The following CKAP5 variants were observed in gnomAD, a reference collection of about 807,000 sequenced individuals.
CKAP5 encodes the protein cytoskeleton associated protein 5, also known as cytoskeleton-associated protein 5.
In CKAP5, 27 loss-of-function variants were observed where a neutral mutation model predicts 232.8. That is an observed-to-expected ratio of 0.12 (90% confidence interval 0.09 to 0.16). CKAP5 has a LOEUF of 0.16. Among genes scored for constraint, CKAP5 ranks in the 10% least tolerant of loss-of-function variants. The pLI is 1.00. For synonymous variants in CKAP5, 785 were observed against 841.1 expected, an observed-to-expected ratio of 0.93 and a Z score of 1.16; for missense variants, 1,838 against 2,424.7, an observed-to-expected ratio of 0.76 and a Z score of 5.08.
At chr11:46,798,259 A>T (rs888641786) in intron 9 of CKAP5, 87 bp from the exon 10 acceptor site, 9 of 962,584 alleles carry the variant, frequency 9.3e-6, no homozygotes, top group Non-Finnish European at 1.5e-5. Context: ...AACCTTAAAA[A>T]TAGTATGCTA....
chr11:46,791,966 T>C (rs563561583), intron 13 of CKAP5, among the ~76,000 whole-genome samples: 1 of 152,356 alleles, frequency 6.6e-6, no homozygotes, highest in Non-Finnish European at 1.5e-5. Flanking sequence ...ATTCCAATAT[T>C]GTAAGTTGTA....
chr11:46,832,613 T>C (rs1939817377), intron 1 of CKAP5, among the ~76,000 whole-genome samples: 1 of 152,264 alleles, frequency 6.6e-6, no homozygotes, highest in Admixed American at 6.5e-5. Flanking sequence ...ACACGTATTA[T>C]GTGCCAGGCA....
intron 2 of CKAP5, among the ~76,000 whole-genome samples, chr11:46,819,913 T>C (rs1939488803): frequency 6.6e-6 from 1 of 152,112 alleles, no homozygotes; most frequent in African/African-American, 2.4e-5. Context: ...CAACATCTCA[T>C]TCTATAAAGT....
In CKAP5 at chr11:46,783,276, A is replaced by T. The variant is rs759948691; in HGVS notation, c.2247T>A (p.Ser749=). 6.3e-7 allele frequency: 1 copy of T among 1,599,098 alleles called. No individual in the cohort carries two copies. Among genetic ancestry groups the T allele is most frequent in the Non-Finnish European group, 8.6e-7 (1 of 1,168,056 alleles). ...CACTTGATTTCGTTCTGACTTACCC[A>T]GAAAAACCAAATTCTTTTATGGCAT... ...LSNAIKEFGF[S]GLNVKAFISN... is the part of the protein sequence containing the mutation. Residue 749 remains serine, a splice_region_variant and synonymous_variant, in exon 18 of 44, where the codon TCT becomes TCA. Coordinates refer to ENST00000529230, the MANE Select transcript of CKAP5 (RefSeq NM_001008938.4).
At chr11:46,810,974 G>C (rs1373053477) in intron 5 of CKAP5, 33 bp downstream of exon 5, 2 of 1,541,460 alleles carry the variant, frequency 1.3e-6, no homozygotes, top group Non-Finnish European at 1.8e-6. Flanking sequence ...TATTAACCTT[G>C]TGCGAAAGCA....
intron 27 of CKAP5, among the ~76,000 whole-genome samples, chr11:46,766,280 T>C (rs921826050): frequency 6.6e-6 from 1 of 152,092 alleles, no homozygotes; most frequent in Non-Finnish European, 1.5e-5. Flanking sequence ...TTTAAAAAGA[T>C]TGGGAAAAAA....
chr11:46,752,032 C>T (rs1213998309), intron 38 of CKAP5, among the ~76,000 whole-genome samples: 3 of 151,372 alleles, frequency 2.0e-5, no homozygotes, highest in African/African-American at 7.3e-5. Context: ...AACTTCTTTC[C>T]TTTTGATCCT....
intron 42 of CKAP5, among the ~76,000 whole-genome samples, chr11:46,745,696 G>C (rs1235442011): frequency 6.6e-6 from 1 of 152,150 alleles, no homozygotes; most frequent in South Asian, 2.1e-4. Flanking sequence ...GCTCATGCCT[G>C]TAATCCAAGC....
chr11:46,801,399 G>A, intron 8 of CKAP5, 95 bp from the exon 9 acceptor site: 1 of 908,018 alleles, frequency 1.1e-6, no homozygotes, highest in Non-Finnish European at 1.7e-6. Flanking sequence ...GCCGGGTGCA[G>A]CGGCTCACAC....
At chr11:46,808,397 C>T (rs1477211067) in intron 7 of CKAP5, among the ~76,000 whole-genome samples, 1 of 151,992 alleles carries the variant, frequency 6.6e-6, no homozygotes, top group African/African-American at 2.4e-5. Flanking sequence ...AAAAATTAGC[C>T]GGGCGTGGTG....
In CKAP5 at chr11:46,798,002, T is replaced by C. The variant is rs375526938; in HGVS notation, c.1174-33A>G. 12 of 1,607,392 alleles carry C rather than the reference T, an allele frequency of 7.5e-6. No homozygotes were observed. The East Asian group carries it at 1.1e-4, about 15-fold the overall frequency. ...AAGAAAATGTGGTTAATGAGCTTTT[T>C]TCAATTGTAAAGAACAATCAAAATA... On this transcript the variant is annotated intron_variant, in intron 10 of 43. Coordinates refer to ENST00000529230, the MANE Select transcript of CKAP5 (RefSeq NM_001008938.4).
chr11:46,750,158 TG>T (rs2065052383), intron 42 of CKAP5, 115 bp downstream of exon 42: 1 of 981,996 alleles, frequency 1.0e-6, no homozygotes, highest in African/African-American at 1.6e-5. Flanking sequence ...GAAGGCCATT[TG>T]GTGACCATTA....
At chr11:46,769,023 A>T (rs191847423) in intron 26 of CKAP5, among the ~76,000 whole-genome samples, 1 of 151,364 alleles carries the variant, frequency 6.6e-6, no homozygotes, top group Non-Finnish European at 1.5e-5. Context: ...GGATTCAAGC[A>T]ATTCTCCTGC....
chr11:46,802,390 TATA>T (rs1939049398), intron 8 of CKAP5: 1 of 152,158 alleles, frequency 6.6e-6, no homozygotes, highest in Non-Finnish European at 1.5e-5. Flanking sequence ...TGCTTTATTA[TATA>T]ATAATACAGG....
chr11:46,751,376 T>C lies in CKAP5; in HGVS notation c.5292A>G (p.Leu1764=). 1.2e-6 allele frequency: 2 copies of C among 1,614,110 alleles called. No individual in the cohort carries two copies. The highest frequency in any genetic ancestry group is 1.3e-5 in the African/African-American group (1 of 75,046). ...EFPIRTLKTL[L]HTLCKLKGPK... ...GCCCTTTTAATTTGCATAAGGTGTG[T>C]AGCAGGGTCTTTAGGGTCCTTATGG... The change falls in exon 39 of 44, where the codon CTA becomes CTG. Residue 1764 remains leucine (L), a synonymous_variant. Transcript: ENST00000529230.
chr11:46,830,205 T>G (rs979372546), intron 1 of CKAP5, among the ~76,000 whole-genome samples: 1 of 150,368 alleles, frequency 6.7e-6, no homozygotes, highest in African/African-American at 2.5e-5. Flanking sequence ...ACTTTGGGAG[T>G]CCAAGGCAGG....
At chr11:46,761,953 G>A (rs548600668) in intron 32 of CKAP5, 47 bp downstream of exon 32, 3 of 1,487,598 alleles carry the variant, frequency 2.0e-6, no homozygotes, top group African/African-American at 2.8e-5. Flanking sequence ...AGGAGATCTT[G>A]CAATTCTTTT....
chr11:46,815,153 C>T (rs1474652733), intron 4 of CKAP5, among the ~76,000 whole-genome samples: 1 of 152,042 alleles, frequency 6.6e-6, no homozygotes, highest in Non-Finnish European at 1.5e-5. Context: ...CAGGTTCAAG[C>T]AATTCTCCTG....
At chr11:46,823,467 T>C (rs1939589655) in intron 1 of CKAP5, among the ~76,000 whole-genome samples, 1 of 152,212 alleles carries the variant, frequency 6.6e-6, no homozygotes, top group Non-Finnish European at 1.5e-5. Context: ...ACATTTTTGT[T>C]ATATGATCAC....
Sources: allele counts gnomAD v4.1 joint callset (sites outside exome capture counted in the v4.1 genomes callset), GRCh38; gene constraint gnomAD v4.1.1; transcripts MANE v1.5; gene names NCBI Gene and HGNC (gene_info 2026-07-23, HGNC 2026-07-21).